Variants in PCDH15 observed in about 807,000 individuals in gnomAD.
PCDH15 encodes the protein protocadherin-15.
In PCDH15, 129 loss-of-function variants were observed where a neutral mutation model predicts 178.5. The observed-to-expected ratio is 0.72, with a 90% CI of 0.63 to 0.84. PCDH15 has a LOEUF of 0.84. PCDH15 is among the 40% of genes least tolerant of loss of function. The pLI, the probability that PCDH15 is intolerant of heterozygous loss-of-function variation, is 0.00. For synonymous variants in PCDH15, 800 were observed against 732.0 expected (o/e 1.09, Z -1.50); for missense variants, 2,230 against 2,099.9 (o/e 1.06, Z -1.21).
intron 3 of PCDH15, among the ~76,000 whole-genome samples, chr10:54,495,457 G>T (rs906643725): frequency 1.3e-5 from 2 of 152,038 alleles, no homozygotes; most frequent in Non-Finnish European, 2.9e-5. Flanking sequence ...GTTTTACATA[G>T]AACTCGATCC....
chr10:55,366,712 TA>T (rs1845369326), intron 2 of PCDH15, among the ~76,000 whole-genome samples: 1 of 152,202 alleles, frequency 6.6e-6, no homozygotes, highest in South Asian at 2.1e-4. Flanking sequence ...AATATTGATT[TA>T]ATAAGGTTTA....
chr10:54,979,680 A>AC (rs915331563), intron 2 of PCDH15, among the ~76,000 whole-genome samples: 2 of 151,784 alleles, frequency 1.3e-5, no homozygotes, highest in Middle Eastern at 3.2e-3. Flanking sequence ...AAAAAAAAAA[A>AC]AAAAAACCAG....
At chr10:54,507,956 A>G (rs1358977478) in intron 3 of PCDH15, among the ~76,000 whole-genome samples, 2 of 152,014 alleles carry the variant, frequency 1.3e-5, no homozygotes, top group African/African-American at 2.4e-5. Context: ...AATGGTGCCA[A>G]TAATAATAGT....
intron 6 of PCDH15, among the ~76,000 whole-genome samples, chr10:54,345,845 T>C (rs1480366624): frequency 6.9e-6 from 1 of 145,958 alleles, no homozygotes; most frequent in Admixed American, 6.8e-5. Context: ...GAAATCATCT[T>C]GTCTAATGGA....
chr10:54,061,464 A>G (rs2094011129), intron 18 of PCDH15, among the ~76,000 whole-genome samples: 1 of 152,138 alleles, frequency 6.6e-6, no homozygotes, highest in African/African-American at 2.4e-5. Context: ...AGAGTCCTCA[A>G]ATTGCTTCTT....
At chr10:54,800,760 C>T (rs1952589402) in intron 1 of PCDH15, among the ~76,000 whole-genome samples, 165 bp downstream of exon 1, 1 of 152,138 alleles carries the variant, frequency 6.6e-6, no homozygotes, top group African/African-American at 2.4e-5. Flanking sequence ...ACTCTTCCAG[C>T]AAATAATCAC....
At chr10:54,347,252 A>C (rs554912037) in intron 5 of PCDH15, among the ~76,000 whole-genome samples, 2 of 152,084 alleles carry the variant, frequency 1.3e-5, no homozygotes, top group South Asian at 4.1e-4. Flanking sequence ...TTCCCCTCCC[A>C]GTTTTTAGGT....
chr10:53,822,030 A>ATGTT lies in PCDH15; in HGVS notation c.4368-1804_4368-1801dup, dbSNP rs2132482863. The ATGTT allele has an allele frequency of 6.2e-7, 1 of 1,613,970 alleles. No homozygotes were observed. The highest frequency in any genetic ancestry group is 8.5e-7 in the Non-Finnish European group (1 of 1,179,914). On this transcript the variant is annotated intron_variant, in intron 32 of 37. Transcript: ENST00000644397. ...ATAGTTTTTTTCTATTTGACTGTAC[A>ATGTT]TGTTAGCTACTGATTTTTCAAGTTC...
At chr10:54,064,344 T>C (rs759116947) in intron 18 of PCDH15, among the ~76,000 whole-genome samples, 11 of 152,264 alleles carry the variant, frequency 7.2e-5, no homozygotes, top group Non-Finnish European at 1.5e-4. Context: ...TACATGTTGA[T>C]TGGTCCACGG....
At chr10:54,873,047 C>T (rs185081596) in intron 3 of PCDH15, among the ~76,000 whole-genome samples, 5 of 152,110 alleles carry the variant, frequency 3.3e-5, no homozygotes, top group East Asian at 1.9e-4. Context: ...CTACAGGTGA[C>T]GAATTCCATA....
intron 1 of PCDH15, among the ~76,000 whole-genome samples, chr10:55,284,870 G>A (rs921572898): frequency 1.3e-5 from 2 of 151,874 alleles, no homozygotes; most frequent in Non-Finnish European, 2.9e-5. Flanking sequence ...GGTTTATGTA[G>A]TGCTAATGTT....
intron 2 of PCDH15, among the ~76,000 whole-genome samples, chr10:54,541,422 T>C (rs908233383): frequency 6.6e-6 from 1 of 152,182 alleles, no homozygotes; most frequent in African/African-American, 2.4e-5. Context: ...TACATAGTGA[T>C]AATGGAACTA....
intron 3 of PCDH15, among the ~76,000 whole-genome samples, chr10:54,497,196 A>G (rs1397686645): frequency 6.6e-6 from 1 of 152,000 alleles, no homozygotes; most frequent in Admixed American, 6.6e-5. Flanking sequence ...GTCCCCTGAA[A>G]GCATAAAGAA....
At chr10:55,481,648 G>C (rs1439536570) in intron 2 of PCDH15, among the ~76,000 whole-genome samples, 2 of 151,828 alleles carry the variant, frequency 1.3e-5, no homozygotes, top group African/African-American at 4.8e-5. Context: ...ATAGTTTTGA[G>C]TAAATTTCTT....
intron 2 of PCDH15, among the ~76,000 whole-genome samples, chr10:55,533,318 T>C (rs1841497389): frequency 6.6e-6 from 1 of 152,052 alleles, no homozygotes; most frequent in Non-Finnish European, 1.5e-5. Flanking sequence ...CATTATTGCA[T>C]ATCTAGAAAA....
chr10:54,863,271 G>A (rs951117109), intron 3 of PCDH15, among the ~76,000 whole-genome samples: 3 of 152,218 alleles, frequency 2.0e-5, no homozygotes, highest in South Asian at 2.1e-4. Context: ...GGCAGGGCAC[G>A]GTGGCTCACG....
At chr10:54,005,295 G>GA (rs2135075183) in intron 20 of PCDH15, among the ~76,000 whole-genome samples, 1 of 152,072 alleles carries the variant, frequency 6.6e-6, no homozygotes, top group African/African-American at 2.4e-5. Context: ...GGCAACCAAA[G>GA]AAAAATGAAC....
rs558650337 is a variant in PCDH15 at position 55,271,872 on chromosome 10, T to G, written c.-156+47727A>C. On this transcript the variant is annotated intron_variant, in intron 1 of 5. Transcript: ENST00000458638. Reference sequence around the variant, plus strand: ...AGAGATGCAAATTTTCATTCACTAATTTTGCAAATATGAACTAAGCATCTC... The same window carrying G: ...AGAGATGCAAATTTTCATTCACTAAGTTTGCAAATATGAACTAAGCATCTC... 1.1e-4 allele frequency among the ~76,000 whole-genome samples: 17 copies of G among 152,232 alleles called. No individual in the cohort carries two copies. The South Asian group carries it at 3.5e-3, about 32-fold the overall frequency.
At chr10:53,890,362 GTTGC>G (rs1401244229) in intron 26 of PCDH15, among the ~76,000 whole-genome samples, 4 of 152,172 alleles carry the variant, frequency 2.6e-5, no homozygotes, top group Admixed American at 6.5e-5. Flanking sequence ...GGAGGCGGAG[GTTGC>G]AGTGAGCTGA....
Sources: allele counts gnomAD v4.1 joint callset (sites outside exome capture counted in the v4.1 genomes callset), GRCh38; gene constraint gnomAD v4.1.1; transcripts MANE v1.5; gene names NCBI Gene and HGNC (gene_info 2026-07-23, HGNC 2026-07-21).